FBXW7: variants seen among roughly 807,000 people sequenced by gnomAD.
FBXW7 encodes the protein F-box/WD repeat-containing protein 7.
Under a neutral mutation model 86.3 loss-of-function variants are expected in FBXW7, and 11 were observed. The ratio of observed to expected loss-of-function variants is 0.13; its 90% confidence interval spans 0.08 to 0.21. The LOEUF (loss-of-function observed/expected upper bound fraction) is 0.21. FBXW7 is among the 10% of genes least tolerant of loss of function. FBXW7 has a pLI of 1.00. For missense variants in FBXW7, 488 were observed against 847.4 expected, an observed-to-expected ratio of 0.58 and a Z score of 5.27; for synonymous variants, 313 against 297.9, an observed-to-expected ratio of 1.05 and a Z score of -0.52.
chr4:152,344,995 C>T (rs1000229746), intron 6 of FBXW7, among the ~76,000 whole-genome samples: 3 of 152,076 alleles, frequency 2.0e-5, no homozygotes, highest in African/African-American at 7.2e-5. Context: ...GATATGAAAT[C>T]AGTGAAATCA....
intron 2 of FBXW7, among the ~76,000 whole-genome samples, chr4:152,505,674 T>C (rs1747348878): frequency 6.6e-6 from 1 of 152,080 alleles, no homozygotes; most frequent in Non-Finnish European, 1.5e-5. Context: ...CATGGAACTG[T>C]AATCTCCTAC....
In FBXW7 at chr4:152,535,498, G is replaced by A; in HGVS notation, c.-584C>T. ...CATCGGGGTCCCCGCCCCCCCGGCC[G>A]GGGGGTGGTTGCCGAGCTTGGTTGG... On this transcript the variant is annotated 5_prime_UTR_variant, in exon 1 of 14. Coordinates refer to ENST00000281708, the MANE Select transcript of FBXW7 (RefSeq NM_001349798.2). 2.6e-6 allele frequency: 1 copy of A among 391,586 alleles called. No individual in the cohort carries two copies. Among genetic ancestry groups the A allele is most frequent in the Non-Finnish European group, 4.5e-6 (1 of 221,698 alleles). 24.3% of individuals were successfully genotyped at this position (391,586 alleles called of 1,614,324 possible).
At chr4:152,531,060 A>AACACACAC (rs60194504) in intron 2 of FBXW7, among the ~76,000 whole-genome samples, 1 of 151,566 alleles carries the variant, frequency 6.6e-6, no homozygotes, top group African/African-American at 2.4e-5. Flanking sequence ...TGGGTGCTAA[A>AACACACAC]ACACACACAC....
chr4:152,514,819 T>C (rs1437687988), intron 2 of FBXW7, among the ~76,000 whole-genome samples: 2 of 152,102 alleles, frequency 1.3e-5, no homozygotes, highest in Non-Finnish European at 2.9e-5. Context: ...ATGAACCAAA[T>C]AAACCTCTTC....
intron 2 of FBXW7, among the ~76,000 whole-genome samples, chr4:152,514,909 C>A (rs1376806882): frequency 6.6e-6 from 1 of 152,146 alleles, no homozygotes; most frequent in Non-Finnish European, 1.5e-5. Flanking sequence ...AGGTGAAAAG[C>A]CTCAGTAACA....
At chr4:152,509,992 G>A (rs1747809342) in intron 2 of FBXW7, among the ~76,000 whole-genome samples, 1 of 152,168 alleles carries the variant, frequency 6.6e-6, no homozygotes, top group African/African-American at 2.4e-5. Context: ...GAGATCTCCT[G>A]TGCTCCTTAA....
chr4:152,486,346 A>G (rs75725616), intron 2 of FBXW7, among the ~76,000 whole-genome samples: 2,084 of 152,308 alleles, frequency 0.014, 26 homozygotes, highest in Middle Eastern at 0.037. Flanking sequence ...TAAACTTTTT[A>G]GTTTTTAAAC....
At chr4:152,511,518 T>A (rs1374489312) in intron 2 of FBXW7, among the ~76,000 whole-genome samples, 1 of 152,172 alleles carries the variant, frequency 6.6e-6, no homozygotes, top group Non-Finnish European at 1.5e-5. Context: ...ATTTCACTTT[T>A]GGGAAATTAT....
At chr4:152,412,914 C>A (rs1202293937) in intron 2 of FBXW7, among the ~76,000 whole-genome samples, 1 of 151,930 alleles carries the variant, frequency 6.6e-6, no homozygotes, top group Non-Finnish European at 1.5e-5. Flanking sequence ...GCATGTTTGC[C>A]TTTATGTTTT....
In FBXW7 at chr4:152,331,663, T is replaced by C. The variant is rs564590842; in HGVS notation, c.986-795A>G. 5.9e-5 allele frequency among the ~76,000 whole-genome samples: 9 copies of C among 152,080 alleles called. No homozygotes were observed. In the East Asian group the frequency reaches 1.7e-3, roughly 29 times the overall value. Reference sequence around the variant, plus strand: ...TAGTGAATCTGAACACAGATGGTAGTTGCAAAACAATGTGAATGTACTTAA... The same window carrying C: ...TAGTGAATCTGAACACAGATGGTAGCTGCAAAACAATGTGAATGTACTTAA... On this transcript the variant is annotated intron_variant, in intron 8 of 13. Transcript: ENST00000281708.
chr4:152,390,968 T>C lies in FBXW7; in HGVS notation c.501+20335A>G, dbSNP rs980382943. Among the ~76,000 whole-genome samples, 54 of 152,000 alleles carry C rather than the reference T, an allele frequency of 3.6e-4. 1 individual carries two copies. Among genetic ancestry groups the C allele is most frequent in the African/African-American group, 1.1e-3 (47 of 41,436 alleles). On this transcript the variant is annotated intron_variant, in intron 4 of 13. Transcript: ENST00000281708. ...TATGAAAAATAAAAAGCTACACTTA[T>C]GGAAACATAAAAAATCTGAAGGAGT...
At chr4:152,368,448 A>T (rs1351799292) in intron 4 of FBXW7, among the ~76,000 whole-genome samples, 2 of 152,064 alleles carry the variant, frequency 1.3e-5, no homozygotes, top group African/African-American at 4.8e-5. Flanking sequence ...TTTCTGTATA[A>T]CACAGAAATA....
At chr4:152,516,534 C>T (rs550845147) in intron 2 of FBXW7, among the ~76,000 whole-genome samples, 11 of 152,260 alleles carry the variant, frequency 7.2e-5, no homozygotes, top group African/African-American at 2.2e-4. Flanking sequence ...TTCTGTAGAG[C>T]GATGGAAAAC....
intron 1 of FBXW7, 40 bp downstream of exon 1, chr4:152,535,083 CTCTT>C (rs1218651695): frequency 1.3e-5 from 2 of 152,966 alleles, no homozygotes; most frequent in Non-Finnish European, 2.9e-5. Flanking sequence ...CAACCCGGGT[CTCTT>C]CCGCGCTGCC....
intron 2 of FBXW7, among the ~76,000 whole-genome samples, chr4:152,433,402 T>G (rs1740086256): frequency 6.6e-6 from 1 of 152,226 alleles, no homozygotes; most frequent in South Asian, 2.1e-4. Context: ...TTTTAGCTAT[T>G]CTTGTGGATG....
At chr4:152,491,750 A>C (rs981700691) in intron 2 of FBXW7, among the ~76,000 whole-genome samples, 6 of 152,180 alleles carry the variant, frequency 3.9e-5, no homozygotes, top group Non-Finnish European at 8.8e-5. Flanking sequence ...CACACAAAAA[A>C]CAAACAAAAT....
chr4:152,532,507 C>T (rs1289564396), intron 2 of FBXW7, among the ~76,000 whole-genome samples: 1 of 152,226 alleles, frequency 6.6e-6, no homozygotes, highest in Non-Finnish European at 1.5e-5. Context: ...CAACCTCTAT[C>T]TGTATTCCCT....
intron 2 of FBXW7, among the ~76,000 whole-genome samples, chr4:152,450,404 T>C (rs1741805600): frequency 6.6e-6 from 1 of 152,220 alleles, no homozygotes; most frequent in South Asian, 2.1e-4. Flanking sequence ...GAGCACATTA[T>C]GTAGAATCTG....
At chr4:152,528,718 C>T (rs968157770) in intron 2 of FBXW7, among the ~76,000 whole-genome samples, 4 of 152,126 alleles carry the variant, frequency 2.6e-5, no homozygotes, top group African/African-American at 9.7e-5. Flanking sequence ...TGAGAAAATA[C>T]ATTCCATTTA....
Sources: gnomAD v4.1 joint callset for allele counts (sites outside exome capture counted in the v4.1 genomes callset) on GRCh38, gnomAD v4.1.1 for gene constraint, MANE v1.5 for transcripts, NCBI Gene and HGNC (gene_info 2026-07-23, HGNC 2026-07-21) for gene names.